DUSP16: variants seen among roughly 807,000 people sequenced by gnomAD.
DUSP16 encodes the protein dual specificity phosphatase 16, also known as dual specificity protein phosphatase 16.
In DUSP16, 21 loss-of-function variants were observed where a neutral mutation model predicts 58.3. That is an observed-to-expected ratio of 0.36 (90% CI 0.26 to 0.52). The LOEUF (loss-of-function observed/expected upper bound fraction) is 0.52. Ranked by LOEUF, DUSP16 falls within the 20% of genes least tolerant of loss-of-function variation. The probability of loss-of-function intolerance (pLI) is 0.94; values close to 1 mark genes in which losing one functional copy is unlikely to be tolerated. For missense variants in DUSP16, 726 were observed against 819.0 expected (o/e 0.89, Z 1.39); for synonymous variants, 320 against 323.8 (o/e 0.99, Z 0.12).
chr12:12,477,408 T>G lies in DUSP16; in HGVS notation c.1423A>C (p.Arg475=), dbSNP rs1198568507. The G allele has an allele frequency of 6.2e-7, 1 of 1,611,168 alleles. No individual in the cohort carries two copies. Among genetic ancestry groups the G allele is most frequent in the Admixed American group, 1.7e-5 (1 of 59,698 alleles). The change falls in exon 7 of 7, where the codon AGG becomes CGG. Residue 475 remains arginine (R), a synonymous_variant. Transcript: ENST00000298573. This position sits in a 1 kb window ranked among gnomAD's most constrained non-coding sequence, Gnocchi z 4.1. Reference sequence around the variant, plus strand: ...CGCTTGCTCTGGCTGTCTGAAGGCCTGGCGGTCTGCAGCTTCTTGGGGATG... The same window carrying G: ...CGCTTGCTCTGGCTGTCTGAAGGCCGGGCGGTCTGCAGCTTCTTGGGGATG... ...ASIPKKLQTA[R]PSDSQSKRLH...
chr12:12,516,757 T>G (rs535172630), intron 3 of DUSP16, among the ~76,000 whole-genome samples: 1 of 152,378 alleles, frequency 6.6e-6, no homozygotes, highest in Non-Finnish European at 1.5e-5. Flanking sequence ...CACTGCTTAA[T>G]ATGCTTATAT....
At chr12:12,508,257 A>T (rs1442163906) in intron 3 of DUSP16, among the ~76,000 whole-genome samples, 10 of 152,244 alleles carry the variant, frequency 6.6e-5, no homozygotes, top group African/African-American at 2.4e-4. Context: ...AAAACAGACT[A>T]AAGTATGGTC....
In DUSP16 at chr12:12,476,236, C is replaced by T. The variant is rs1218677633; in HGVS notation, c.*597G>A. ...AGCCCCGACTTTCCTGTCTGAGGTA[C>T]TGGGTTTGCTCTAAGGTAGACCTTG... is the stretch of plus-strand genomic sequence containing the variant. On this transcript the variant is annotated 3_prime_UTR_variant, in exon 7 of 7. Coordinates refer to ENST00000298573, the MANE Select transcript of DUSP16 (RefSeq NM_030640.3). 1 of 152,664 alleles carries T rather than the reference C, an allele frequency of 6.6e-6. No individual in the cohort carries two copies. Among genetic ancestry groups the T allele is most frequent in the Non-Finnish European group, 1.5e-5 (1 of 68,060 alleles). The allele number at this position is 152,664 out of a possible 1,614,324, so 9.5% of individuals were successfully genotyped here.
intron 3 of DUSP16, among the ~76,000 whole-genome samples, chr12:12,517,128 AGT>A (rs1363924666): frequency 4.6e-5 from 7 of 152,244 alleles, no homozygotes; most frequent in Non-Finnish European, 5.9e-5. Flanking sequence ...TAGCCCTGAG[AGT>A]GTGAGTAGAT....
At chr12:12,531,860 G>C (rs1944391254) in intron 1 of DUSP16, among the ~76,000 whole-genome samples, 1 of 150,864 alleles carries the variant, frequency 6.6e-6, no homozygotes, top group Admixed American at 6.6e-5. Context: ...GACAGCGTGA[G>C]ACTCATCTTA....
At chr12:12,500,420 CTGAGATTGGGGTGTGTTTCAAA>C in intron 4 of DUSP16, 77 bp downstream of exon 4, 1 of 1,387,338 alleles carries the variant, frequency 7.2e-7, no homozygotes, top group Non-Finnish European at 9.7e-7. Context: ...ATAGCAGCTC[CTGAGATTGGGGTGTGTTTCAAA>C]TGACATAATG....
intron 3 of DUSP16, among the ~76,000 whole-genome samples, chr12:12,506,420 T>TTATCCGC (rs1943998306): frequency 6.6e-6 from 1 of 152,230 alleles, no homozygotes; most frequent in Non-Finnish European, 1.5e-5. Context: ...CATCAGTCCG[T>TTATCCGC]TATCCGCTAT....
At chr12:12,487,388 C>T (rs988413831) in intron 4 of DUSP16, among the ~76,000 whole-genome samples, 8 of 151,834 alleles carry the variant, frequency 5.3e-5, no homozygotes, top group Non-Finnish European at 1.2e-4. Flanking sequence ...GGACAACAAA[C>T]GCTATTTAAA....
At chr12:12,515,719 A>G (rs1944139697) in intron 3 of DUSP16, among the ~76,000 whole-genome samples, 1 of 151,970 alleles carries the variant, frequency 6.6e-6, no homozygotes, top group Admixed American at 6.6e-5. Context: ...TGACTTCAAA[A>G]TTGAAAAAAA....
chr12:12,551,528 C>G (rs1304078969), intron 1 of DUSP16, among the ~76,000 whole-genome samples: 1 of 150,034 alleles, frequency 6.7e-6, no homozygotes, highest in Non-Finnish European at 1.5e-5. Flanking sequence ...CAAGAGAAAA[C>G]TGGTATTTTG....
chr12:12,517,783 G>A (rs896538302), intron 3 of DUSP16, among the ~76,000 whole-genome samples: 2 of 152,206 alleles, frequency 1.3e-5, no homozygotes, highest in Admixed American at 1.3e-4. Context: ...AAGATATGGT[G>A]CTACTAATAC....
At chr12:12,478,555 T>C (rs572083388) in intron 6 of DUSP16, among the ~76,000 whole-genome samples, 1 of 152,140 alleles carries the variant, frequency 6.6e-6, no homozygotes, top group South Asian at 2.1e-4. Flanking sequence ...AGGCTGGTCT[T>C]GAACTTCTGG....
intron 4 of DUSP16, 87 bp downstream of exon 4, chr12:12,500,432 T>C (rs1279950557): frequency 7.0e-7 from 1 of 1,422,032 alleles, no homozygotes; most frequent in African/African-American, 1.5e-5. Flanking sequence ...GAGATTGGGG[T>C]GTGTTTCAAA....
chr12:12,499,589 C>T (rs1200802536), intron 4 of DUSP16, among the ~76,000 whole-genome samples: 1 of 152,146 alleles, frequency 6.6e-6, no homozygotes, highest in East Asian at 1.9e-4. Context: ...CTAAAGAAAG[C>T]CAGTCTGGAA....
At position 12,473,749 on chromosome 12, in the gene DUSP16, A is replaced by T. The variant is rs1943360124; in HGVS notation, c.*3084T>A. Among the ~76,000 whole-genome samples the T allele has an allele frequency of 6.6e-6, 1 of 152,214 alleles. No individual in the cohort carries two copies. The highest frequency in any genetic ancestry group is 2.4e-5 in the African/African-American group (1 of 41,444). The stretch of plus-strand genomic sequence containing the variant: ...AAGTTTCTAGTCTCATAAGTCATCA[A>T]ATCTAGTGTCATGAGCAGAGAGGTT... On this transcript the variant is annotated 3_prime_UTR_variant, in exon 7 of 7. Coordinates refer to ENST00000298573, the MANE Select transcript of DUSP16 (RefSeq NM_030640.3).
chr12:12,538,756 T>A (rs1423239734), intron 1 of DUSP16, among the ~76,000 whole-genome samples: 1 of 152,162 alleles, frequency 6.6e-6, no homozygotes, highest in Non-Finnish European at 1.5e-5. Context: ...AGGACTCTAG[T>A]GAAGGGGGAG....
In DUSP16 at chr12:12,546,084, C is replaced by T. The variant is rs554611208; in HGVS notation, c.-366+16033G>A. On this transcript the variant is annotated intron_variant, in intron 1 of 6. Coordinates refer to ENST00000298573, the MANE Select transcript of DUSP16 (RefSeq NM_030640.3). ...TACACTATAAAAATAAGTTATATTTCCCATGCAAAATAAATGGATAATGAA... is the reference window on the plus strand; with the variant it reads ...TACACTATAAAAATAAGTTATATTTTCCATGCAAAATAAATGGATAATGAA... 6.6e-5 allele frequency among the ~76,000 whole-genome samples: 10 copies of T among 152,180 alleles called. No homozygotes were observed. The South Asian group carries it at 2.1e-3, about 32-fold the overall frequency.
At chr12:12,541,347 G>C (rs1195210809) in intron 1 of DUSP16, among the ~76,000 whole-genome samples, 1 of 152,108 alleles carries the variant, frequency 6.6e-6, no homozygotes, top group Non-Finnish European at 1.5e-5. Flanking sequence ...GGTACACACA[G>C]TCCCCTGCCC....
chr12:12,528,161 T>G (rs2136238833), intron 1 of DUSP16, among the ~76,000 whole-genome samples: 1 of 152,220 alleles, frequency 6.6e-6, no homozygotes, highest in East Asian at 1.9e-4. Flanking sequence ...GCTCTCCTCC[T>G]CCTTCCCCCT....
Sources: allele counts gnomAD v4.1 joint callset (sites outside exome capture counted in the v4.1 genomes callset), GRCh38; gene constraint gnomAD v4.1.1; non-coding constraint Gnocchi (gnomAD v3.1); transcripts MANE v1.5; gene names NCBI Gene and HGNC (gene_info 2026-07-23, HGNC 2026-07-21).